Variants in C5orf63 observed in about 807,000 individuals in gnomAD.
C5orf63 encodes the protein chromosome 5 open reading frame 63.
C5orf63 carries 18 observed loss-of-function variants against 13.3 expected under a neutral mutation model. That is an observed-to-expected ratio of 1.36 (90% CI 0.94 to 2.01). The LOEUF (loss-of-function observed/expected upper bound fraction) is 2.01. C5orf63 is among the 30% of genes most tolerant of loss of function. C5orf63 has a pLI of 0.00. For synonymous variants in C5orf63, 38 were observed against 44.7 expected, an observed-to-expected ratio of 0.85 and a Z score of 0.60; for missense variants, 118 against 127.7, an observed-to-expected ratio of 0.92 and a Z score of 0.36.
chr5:127,069,228 G>GA (rs1282512519), intron 2 of C5orf63, among the ~76,000 whole-genome samples: 1 of 152,074 alleles, frequency 6.6e-6, no homozygotes, highest in Non-Finnish European at 1.5e-5. Context: ...CAAGGGATGG[G>GA]AAAAAAGTAT....
chr5:127,056,848 T>C (rs1046993645), intron 3 of C5orf63, among the ~76,000 whole-genome samples: 1 of 152,226 alleles, frequency 6.6e-6, no homozygotes, highest in African/African-American at 2.4e-5. Context: ...GATAGCAATC[T>C]GATACTGTAC....
intron 2 of C5orf63, among the ~76,000 whole-genome samples, chr5:127,068,503 C>G (rs1056459135): frequency 6.6e-6 from 1 of 152,154 alleles, no homozygotes; most frequent in Admixed American, 6.5e-5. Flanking sequence ...CAAGATGGAA[C>G]TCTCCCTACA....
intron 2 of C5orf63, among the ~76,000 whole-genome samples, chr5:127,068,843 A>T (rs1479662435): frequency 6.6e-6 from 1 of 152,180 alleles, no homozygotes; most frequent in Non-Finnish European, 1.5e-5. Flanking sequence ...TAATGATGCC[A>T]ATCAAGAACA....
intron 1 of C5orf63, chr5:127,073,226 C>T (rs1580538764): frequency 6.6e-6 from 1 of 152,224 alleles, no homozygotes; most frequent in African/African-American, 2.4e-5. Flanking sequence ...TTTTCCCGCC[C>T]GTCATTTATT....
chr5:127,069,848 G>A (rs897774142), intron 2 of C5orf63, among the ~76,000 whole-genome samples: 2 of 151,986 alleles, frequency 1.3e-5, no homozygotes, highest in Non-Finnish European at 2.9e-5. Context: ...GATTCCCCTT[G>A]CTTTATGTAT....
intron 2 of C5orf63, among the ~76,000 whole-genome samples, chr5:127,065,428 T>A (rs898377349): frequency 6.6e-6 from 1 of 152,178 alleles, no homozygotes; most frequent in African/African-American, 2.4e-5. Flanking sequence ...AAGAGAAATA[T>A]CTTAAATCAT....
At chr5:127,050,406 T>C (rs931106588), downstream of C5orf63, among the ~76,000 whole-genome samples, 4 of 152,240 alleles carry the variant, frequency 2.6e-5, no homozygotes, top group Middle Eastern at 3.4e-3. Flanking sequence ...GACTCAAACT[T>C]CTGGGCTCTT....
At chr5:127,054,105 A>G (rs1312514684) in intron 3 of C5orf63, among the ~76,000 whole-genome samples, 1 of 152,202 alleles carries the variant, frequency 6.6e-6, no homozygotes, top group Non-Finnish European at 1.5e-5. Context: ...TTACAGAAGT[A>G]CCAAATGTGC....
intron 2 of C5orf63, among the ~76,000 whole-genome samples, chr5:127,067,546 T>A (rs1206428651): frequency 6.6e-6 from 1 of 152,202 alleles, no homozygotes; most frequent in Admixed American, 6.5e-5. Context: ...TAAGACTGAC[T>A]AGCAAATACC....
chr5:127,043,568 A>G (rs1213404667), downstream of C5orf63: 1 of 152,228 alleles, frequency 6.6e-6, no homozygotes, highest in East Asian at 1.9e-4. Context: ...TGATTTCTAA[A>G]TATCTTAATC....
At chr5:127,053,739 C>T (rs1326266245) in intron 3 of C5orf63, among the ~76,000 whole-genome samples, 2 of 152,166 alleles carry the variant, frequency 1.3e-5, no homozygotes, top group Non-Finnish European at 2.9e-5. Context: ...CAGCTTCATC[C>T]ATGTACCTAC....
chr5:127,047,772 T>C, downstream of C5orf63: 1 of 703,962 alleles, frequency 1.4e-6, no homozygotes, highest in South Asian at 1.5e-5. Context: ...GTGCATCTAA[T>C]CCCATGTCAT....
intron 3 of C5orf63, among the ~76,000 whole-genome samples, chr5:127,054,042 TC>T (rs1474102206): frequency 6.6e-6 from 1 of 152,142 alleles, no homozygotes; most frequent in African/African-American, 2.4e-5. Flanking sequence ...AGAGAAGGTT[TC>T]AAAAAGTCAA....
At chr5:127,055,374 G>A (rs972291037) in intron 3 of C5orf63, among the ~76,000 whole-genome samples, 2 of 152,042 alleles carry the variant, frequency 1.3e-5, no homozygotes, top group Non-Finnish European at 2.9e-5. Flanking sequence ...AGGCTACATC[G>A]GCAGATTTTA....
At chr5:127,059,618 C>T (rs1754019952) in intron 2 of C5orf63, among the ~76,000 whole-genome samples, 1 of 151,734 alleles carries the variant, frequency 6.6e-6, no homozygotes, top group Non-Finnish European at 1.5e-5. Context: ...GTCCCAGCTA[C>T]TCAGGAGGCT....
At chr5:127,067,360 T>C (rs956887239) in intron 2 of C5orf63, among the ~76,000 whole-genome samples, 2 of 152,184 alleles carry the variant, frequency 1.3e-5, no homozygotes, top group African/African-American at 4.8e-5. Flanking sequence ...AAATGAAACA[T>C]TTAAATCTCT....
At chr5:127,069,931 T>C (rs530129782) in intron 2 of C5orf63, among the ~76,000 whole-genome samples, 6 of 152,182 alleles carry the variant, frequency 3.9e-5, no homozygotes, top group South Asian at 2.1e-4. Context: ...CCTGGAACAA[T>C]GGCATATTTT....
At chr5:127,054,482 G>A (rs1442379887) in intron 3 of C5orf63, among the ~76,000 whole-genome samples, 2 of 152,096 alleles carry the variant, frequency 1.3e-5, no homozygotes, top group Non-Finnish European at 2.9e-5. Flanking sequence ...TTCTCTGATG[G>A]CCAGTGATGA....
At chr5:127,047,072 C>G (rs1753536283), downstream of C5orf63, 1 of 152,224 alleles carries the variant, frequency 6.6e-6, no homozygotes, top group African/African-American at 2.4e-5. Flanking sequence ...GTGCAATAAA[C>G]TGGCCAAAGA....
Sources: gnomAD v4.1 joint callset for allele counts (sites outside exome capture counted in the v4.1 genomes callset) on GRCh38, gnomAD v4.1.1 for gene constraint, MANE v1.5 for transcripts, NCBI Gene and HGNC (gene_info 2026-07-23, HGNC 2026-07-21) for gene names.